Variants in KLF17 observed in about 807,000 individuals in gnomAD.
KLF17 encodes the protein KLF transcription factor 17.
A neutral mutation model predicts 34.2 loss-of-function variants in KLF17; 31 were observed. That is an observed-to-expected ratio of 0.91 (90% CI 0.68 to 1.22). KLF17 has a LOEUF of 1.22. Ranked by LOEUF, KLF17 falls within the 50% of genes most tolerant of loss-of-function variation. The pLI is 0.00. For missense variants in KLF17, 478 were observed against 505.2 expected (o/e 0.95, Z 0.52); for synonymous variants, 179 against 186.7 (o/e 0.96, Z 0.34).
the KLF17 span, among the ~76,000 whole-genome samples, chr1:44,067,476 T>C: frequency 5.9e-5 from 9 of 152,170 alleles, no homozygotes; most frequent in African/African-American, 2.2e-4. Context: ...TTCCAGTGAT[T>C]TATGAGAGGA....
At chr1:44,128,627 C>T (rs184215802) in intron 1 of KLF17, among the ~76,000 whole-genome samples, 3 of 152,318 alleles carry the variant, frequency 2.0e-5, no homozygotes, top group Admixed American at 6.5e-5. Context: ...AAAGCCGAGA[C>T]CCATCTGCAG....
the KLF17 span, among the ~76,000 whole-genome samples, chr1:44,081,018 A>T: frequency 6.6e-6 from 1 of 151,882 alleles, no homozygotes; most frequent in Non-Finnish European, 1.5e-5. Context: ...CCCCACCTCA[A>T]ATTTACATAA....
Position 44,130,550 on chromosome 1 carries a change from T to A in KLF17, c.964T>A (p.Trp322Arg). The change falls in exon 3 of 4, where the codon TGG becomes AGG. Residue 322 changes from tryptophan to arginine, a missense_variant. Trp to Arg is a moderately radical substitution (Grantham distance 101). Coordinates refer to ENST00000372299, the MANE Select transcript of KLF17 (RefSeq NM_173484.4). ...TTCTTGCAACTGGGAAAGTTGTTCA[T>A]GGTCTTTCTTCCGTTCTGATGAGCT... ...PYSCNWESCS[W>R]SFFRSDELRR... 6.2e-7 allele frequency: 1 copy of A among 1,614,166 alleles called. No homozygotes were observed. Among genetic ancestry groups the A allele is most frequent in the Non-Finnish European group, 8.5e-7 (1 of 1,180,010 alleles).
chr1:44,128,843 T>A (rs2088061059), intron 1 of KLF17, among the ~76,000 whole-genome samples: 1 of 151,980 alleles, frequency 6.6e-6, no homozygotes. Flanking sequence ...AGAAACCCCG[T>A]CTCTACTAAA....
At chr1:44,107,779 A>G in the KLF17 span, among the ~76,000 whole-genome samples, 1 of 152,148 alleles carries the variant, frequency 6.6e-6, no homozygotes, top group African/African-American at 2.4e-5. Context: ...ATGCTGGTAT[A>G]TTGTTATAAT....
the KLF17 span, among the ~76,000 whole-genome samples, chr1:44,086,047 C>T: frequency 1.3e-5 from 2 of 152,120 alleles, no homozygotes; most frequent in South Asian, 4.1e-4. Context: ...AGACGGGAAG[C>T]AAGAGCAGAC....
chr1:44,103,972 C>A, the KLF17 span: 1 of 858,108 alleles, frequency 1.2e-6, no homozygotes, highest in East Asian at 2.4e-5. Flanking sequence ...TTGGCGATCT[C>A]GTACTGCGCC....
At chr1:44,087,757 T>C in the KLF17 span, among the ~76,000 whole-genome samples, 30 of 53,622 alleles carry the variant, frequency 5.6e-4, no homozygotes, top group African/African-American at 1.9e-3. Flanking sequence ...TATATATATA[T>C]ATATATATAT....
the KLF17 span, among the ~76,000 whole-genome samples, chr1:44,064,879 A>T: frequency 6.6e-6 from 1 of 152,266 alleles, no homozygotes; most frequent in Non-Finnish European, 1.5e-5. Context: ...CGTGTGCACA[A>T]AAACAATAAG....
the KLF17 span, among the ~76,000 whole-genome samples, chr1:44,048,793 A>G: frequency 6.6e-6 from 1 of 151,974 alleles, no homozygotes; most frequent in African/African-American, 2.4e-5. Flanking sequence ...GAGGTGTTGC[A>G]AAGTTGATTT....
At chr1:44,132,333 A>G (rs1200527015) in intron 3 of KLF17, among the ~76,000 whole-genome samples, 2 of 151,988 alleles carry the variant, frequency 1.3e-5, no homozygotes, top group African/African-American at 4.8e-5. Flanking sequence ...TGACTAGTGG[A>G]AAATGGGAGA....
intron 3 of KLF17, among the ~76,000 whole-genome samples, chr1:44,131,471 G>C (rs2088108750): frequency 6.6e-6 from 1 of 152,150 alleles, no homozygotes; most frequent in Non-Finnish European, 1.5e-5. Flanking sequence ...GTGACCTTGA[G>C]AAAGTTCTTG....
the KLF17 span, among the ~76,000 whole-genome samples, chr1:44,065,364 C>T: frequency 3.4e-5 from 5 of 147,432 alleles, no homozygotes; most frequent in South Asian, 2.1e-4. Flanking sequence ...ATAAAATTGT[C>T]GGCATAATAG....
the KLF17 span, among the ~76,000 whole-genome samples, chr1:44,079,997 C>T: frequency 6.7e-5 from 10 of 150,296 alleles, no homozygotes; most frequent in Non-Finnish European, 1.3e-4. Flanking sequence ...GGCGTGATCT[C>T]GGCTTACTAC....
chr1:44,087,361 T>A, the KLF17 span, among the ~76,000 whole-genome samples: 2 of 151,806 alleles, frequency 1.3e-5, no homozygotes, highest in African/African-American at 4.8e-5. Flanking sequence ...GCTCAGGGGA[T>A]CCTCCTACCT....
intron 3 of KLF17, among the ~76,000 whole-genome samples, 163 bp downstream of exon 3, chr1:44,130,919 C>T (rs2088101682): frequency 6.6e-6 from 1 of 152,184 alleles, no homozygotes. Flanking sequence ...CCTCAGCCTC[C>T]CGAGTAGCTA....
At chr1:44,059,638 C>T in the KLF17 span, among the ~76,000 whole-genome samples, 340 of 152,260 alleles carry the variant, frequency 2.2e-3, no homozygotes, top group African/African-American at 7.8e-3. Flanking sequence ...GATTCCCCTC[C>T]GATTCCATCT....
chr1:44,108,957 G>A, the KLF17 span, among the ~76,000 whole-genome samples: 4 of 152,094 alleles, frequency 2.6e-5, no homozygotes, highest in East Asian at 1.9e-4. Flanking sequence ...ATGAGCCACC[G>A]CACCCAGCCT....
chr1:44,110,738 AAGG>A, the KLF17 span: 4 of 152,118 alleles, frequency 2.6e-5, no homozygotes, highest in Non-Finnish European at 5.9e-5. Context: ...TTAGCTAAAG[AAGG>A]AAAAAAAGTT....
Sources: gnomAD v4.1 joint callset for allele counts (sites outside exome capture counted in the v4.1 genomes callset) on GRCh38, gnomAD v4.1.1 for gene constraint, MANE v1.5 for transcripts, NCBI Gene and HGNC (gene_info 2026-07-23, HGNC 2026-07-21) for gene names.